The following TNRC6B variants were observed in gnomAD, a reference collection of about 807,000 sequenced individuals.
TNRC6B encodes the protein trinucleotide repeat-containing gene 6B protein.
In TNRC6B, 52 loss-of-function variants were observed where a neutral mutation model predicts 203.6. The observed-to-expected ratio is 0.26, with a 90% CI of 0.20 to 0.32. The LOEUF (loss-of-function observed/expected upper bound fraction) is 0.32. Among genes scored for constraint, TNRC6B ranks in the 10% least tolerant of loss-of-function variants. The probability of loss-of-function intolerance (pLI) is 1.00; values close to 1 mark genes in which losing one functional copy is unlikely to be tolerated. For missense variants in TNRC6B, 1,923 were observed against 2,286.2 expected, an observed-to-expected ratio of 0.84 and a Z score of 3.24; for synonymous variants, 838 against 845.7, an observed-to-expected ratio of 0.99 and a Z score of 0.16.
intron 4 of TNRC6B, among the ~76,000 whole-genome samples, chr22:40,169,212 A>G (rs971123536): frequency 1.3e-5 from 2 of 148,828 alleles, no homozygotes; most frequent in South Asian, 2.1e-4. Flanking sequence ...GGTTACTGCA[A>G]TCTCTGCCTC....
At chr22:40,238,681 G>T (rs936295619) in intron 1 of TNRC6B, among the ~76,000 whole-genome samples, 1 of 152,144 alleles carries the variant, frequency 6.6e-6, no homozygotes, top group Non-Finnish European at 1.5e-5. Context: ...TGTATCAGAG[G>T]CCTTTTCTAA....
At chr22:40,203,530 A>G (rs909421694) in intron 1 of TNRC6B, among the ~76,000 whole-genome samples, 18 of 152,244 alleles carry the variant, frequency 1.2e-4, no homozygotes, top group African/African-American at 4.1e-4. Flanking sequence ...AAGGTAAAAT[A>G]GAATTGGGAA....
At chr22:40,307,275 G>A (rs1387188121) in intron 15 of TNRC6B, among the ~76,000 whole-genome samples, 1 of 152,112 alleles carries the variant, frequency 6.6e-6, no homozygotes, top group Non-Finnish European at 1.5e-5. Context: ...TGAAAATTGA[G>A]GACCCTTTAT....
chr22:40,200,957 A>G (rs1349347892), intron 1 of TNRC6B, among the ~76,000 whole-genome samples: 3 of 152,078 alleles, frequency 2.0e-5, no homozygotes, highest in Non-Finnish European at 4.4e-5. Context: ...AATCTTACTC[A>G]ACTTCACTGT....
chr22:40,149,478 C>A (rs917435931), intron 3 of TNRC6B, among the ~76,000 whole-genome samples: 4 of 151,902 alleles, frequency 2.6e-5, no homozygotes, highest in African/African-American at 9.7e-5. Flanking sequence ...ACCAGCCTGG[C>A]CAATATGGTG....
chr22:40,230,685 G>A (rs940477688), intron 1 of TNRC6B, among the ~76,000 whole-genome samples: 3 of 152,086 alleles, frequency 2.0e-5, no homozygotes, highest in African/African-American at 7.2e-5. Context: ...TTCTCAGTCT[G>A]TGGCTTAATC....
intron 3 of TNRC6B, among the ~76,000 whole-genome samples, chr22:40,137,135 A>G (rs906859061): frequency 3.9e-5 from 6 of 152,256 alleles, no homozygotes; most frequent in African/African-American, 1.2e-4. Context: ...TAGGGGATGC[A>G]GAGAAAAAAG....
chr22:40,052,201 T>C (rs572329585), intron 1 of TNRC6B, among the ~76,000 whole-genome samples: 1 of 152,326 alleles, frequency 6.6e-6, no homozygotes, highest in South Asian at 2.1e-4. Context: ...AAATTTAAGT[T>C]CTCGTCATAT....
intron 3 of TNRC6B, among the ~76,000 whole-genome samples, chr22:40,147,495 C>G (rs940958780): frequency 1.3e-5 from 2 of 152,180 alleles, no homozygotes; most frequent in South Asian, 2.1e-4. Flanking sequence ...ATAACAAGAT[C>G]AAGGCACCAG....
chr22:40,294,911 G>A (rs2070918849), intron 12 of TNRC6B, among the ~76,000 whole-genome samples: 1 of 152,176 alleles, frequency 6.6e-6, no homozygotes, highest in Non-Finnish European at 1.5e-5. Context: ...GCCCTGTAGT[G>A]GTGTGCTCAC....
At position 40,300,460 on chromosome 22, in the gene TNRC6B, T is replaced by C; in HGVS notation, c.3714T>C (p.Ser1238=). Residue 1238 remains serine, a synonymous_variant, in exon 13 of 23, where the codon TCT becomes TCC. Coordinates refer to ENST00000454349, the MANE Select transcript of TNRC6B (RefSeq NM_001162501.2). ...VPPQFISPQV[S]ASMLKQFPNS... Reference sequence around the variant, plus strand: ...TTTTTTATTTTTTTGGCTAGGTTTCTGCCTCAATGCTCAAGCAGTTTCCCA... The same window carrying C: ...TTTTTTATTTTTTTGGCTAGGTTTCCGCCTCAATGCTCAAGCAGTTTCCCA... 6.4e-7 allele frequency: 1 copy of C among 1,570,596 alleles called. No individual in the cohort carries two copies. Among genetic ancestry groups the C allele is most frequent in the Non-Finnish European group, 8.6e-7 (1 of 1,165,830 alleles).
intron 1 of TNRC6B, among the ~76,000 whole-genome samples, chr22:40,048,550 A>G (rs1328271491): frequency 6.6e-6 from 1 of 152,060 alleles, no homozygotes; most frequent in Non-Finnish European, 1.5e-5. Context: ...CAAAAAAAAA[A>G]AAAAAAAAAT....
At chr22:40,151,001 A>T (rs2068747131) in intron 3 of TNRC6B, among the ~76,000 whole-genome samples, 1 of 152,168 alleles carries the variant, frequency 6.6e-6, no homozygotes, top group Admixed American at 6.6e-5. Flanking sequence ...CTTAAATATC[A>T]GTGGATAGAC....
intron 1 of TNRC6B, among the ~76,000 whole-genome samples, chr22:40,086,982 G>A (rs755703060): frequency 1.3e-5 from 2 of 151,922 alleles, no homozygotes; most frequent in African/African-American, 4.8e-5. Context: ...CAGGTCCCCC[G>A]TCCCTGTAGG....
At chr22:40,259,529 T>C (rs530955530) in intron 3 of TNRC6B, among the ~76,000 whole-genome samples, 8 of 152,256 alleles carry the variant, frequency 5.3e-5, no homozygotes, top group African/African-American at 9.6e-5. Context: ...GCCGACTAAT[T>C]TTATTTTCTT....
intron 22 of TNRC6B, among the ~76,000 whole-genome samples, chr22:40,322,042 G>C (rs2071340742): frequency 6.6e-6 from 1 of 152,154 alleles, no homozygotes; most frequent in Admixed American, 6.5e-5. Flanking sequence ...TGCAAGCCAG[G>C]GATGAGGGGG....
At chr22:40,234,930 C>A (rs1233102360) in intron 1 of TNRC6B, among the ~76,000 whole-genome samples, 1 of 152,132 alleles carries the variant, frequency 6.6e-6, no homozygotes, top group African/African-American at 2.4e-5. Flanking sequence ...TATGTAATTT[C>A]CTCTGCCTGA....
In TNRC6B at chr22:40,265,935, G is replaced by C. The variant is rs1269495834; in HGVS notation, c.1705G>C (p.Val569Leu). ...GRSSSSTGSEVGGQSTGSNHK... is the reference protein window; with the variant it reads ...GRSSSSTGSELGGQSTGSNHK... ...ATCTTCCAGCTCCACAGGAAGTGAAGTTGGAGGTCAAAGCACTGGAAGCAA... is the reference window on the plus strand; with the variant it reads ...ATCTTCCAGCTCCACAGGAAGTGAACTTGGAGGTCAAAGCACTGGAAGCAA... Residue 569 changes from valine to leucine, a missense_variant, in exon 5 of 23, where the codon GTT becomes CTT. Physicochemically the swap from Val to Leu is conservative, Grantham distance 32. This residue lies in a region of TNRC6B where 614 missense variants were observed against 587.7 expected (regional missense o/e 1.04). Transcript: ENST00000454349. The C allele has an allele frequency of 1.9e-6, 3 of 1,614,042 alleles. No individual in the cohort carries two copies. The East Asian group carries it at 6.7e-5, about 36-fold the overall frequency.
intron 3 of TNRC6B, among the ~76,000 whole-genome samples, chr22:40,252,404 G>A (rs558500163): frequency 6.6e-6 from 1 of 152,320 alleles, no homozygotes; most frequent in South Asian, 2.1e-4. Flanking sequence ...TTGATGGGAA[G>A]CCCTGTAATG....
Sources: gnomAD v4.1 joint callset for allele counts (sites outside exome capture counted in the v4.1 genomes callset) on GRCh38, gnomAD v4.1.1 for gene constraint, gnomAD v4.1.1 regional missense constraint, MANE v1.5 for transcripts, NCBI Gene and HGNC (gene_info 2026-07-23, HGNC 2026-07-21) for gene names.